The following OSBPL10 variants were observed in gnomAD, a reference collection of about 807,000 sequenced individuals.
OSBPL10 encodes the protein oxysterol-binding protein-related protein 10.
OSBPL10 carries 49 observed loss-of-function variants against 81.7 expected under a neutral mutation model. The observed-to-expected ratio is 0.60, with a 90% CI of 0.48 to 0.76. OSBPL10 has a LOEUF of 0.76. OSBPL10 is among the 30% of genes least tolerant of loss of function. The pLI, the probability that OSBPL10 is intolerant of heterozygous loss-of-function variation, is 0.00. For missense variants in OSBPL10, 923 were observed against 987.8 expected (o/e 0.93, Z 0.88); for synonymous variants, 419 against 383.6 (o/e 1.09, Z -1.08).
In OSBPL10 at chr3:32,049,381, CA is replaced by C. The variant is rs145675928; in HGVS notation, n.186-2779del. Among the ~76,000 whole-genome samples the C allele has an allele frequency of 1.0e-3, 156 of 152,232 alleles. No homozygotes were observed. In the East Asian group the frequency reaches 0.019, roughly 18 times the overall value. ...CTGACCCCAAGGACATAGATTGCAG[CA>C]CCAATTGGCCAACTTTGGGTAAGTG... is the stretch of plus-strand genomic sequence containing the variant. On this transcript the variant is annotated intron_variant and non_coding_transcript_variant, in intron 1 of 3. Coordinates refer to the OSBPL10 transcript ENST00000479173.
chr3:31,738,724 T>C (rs1697260623), intron 5 of OSBPL10, among the ~76,000 whole-genome samples: 1 of 152,068 alleles, frequency 6.6e-6, no homozygotes, highest in Non-Finnish European at 1.5e-5. Flanking sequence ...AGAATCCAGA[T>C]TAAAACCCAT....
At chr3:32,012,386 A>G (rs189266694) in intron 2 of OSBPL10, among the ~76,000 whole-genome samples, 71 of 152,312 alleles carry the variant, frequency 4.7e-4, no homozygotes, top group African/African-American at 1.7e-3. Flanking sequence ...ACAGACAAGC[A>G]AATGTTGAGA....
intron 5 of OSBPL10, 40 bp downstream of exon 5, chr3:31,747,870 G>T: frequency 1.3e-6 from 2 of 1,577,488 alleles, no homozygotes; most frequent in Non-Finnish European, 1.7e-6. Flanking sequence ...CACAGTGTGT[G>T]TACTCATCCC....
At chr3:31,941,387 CTT>C (rs1310761399) in intron 1 of OSBPL10, among the ~76,000 whole-genome samples, 4 of 152,200 alleles carry the variant, frequency 2.6e-5, no homozygotes, top group Admixed American at 1.3e-4. Context: ...AGGGAAGACT[CTT>C]TGATGGATAC....
At chr3:31,807,889 G>T (rs1699563043) in intron 4 of OSBPL10, among the ~76,000 whole-genome samples, 1 of 152,162 alleles carries the variant, frequency 6.6e-6, no homozygotes, top group African/African-American at 2.4e-5. Context: ...TAAGAAATAA[G>T]AAATTACTTA....
intron 1 of OSBPL10, among the ~76,000 whole-genome samples, chr3:31,904,681 G>A (rs1696351608): frequency 6.6e-6 from 1 of 152,088 alleles, no homozygotes; most frequent in Non-Finnish European, 1.5e-5. Flanking sequence ...TACTCTCTGG[G>A]AACACATAAT....
chr3:31,889,507 A>G lies in OSBPL10; in HGVS notation c.282-9677T>C, dbSNP rs1484449305. Reference sequence around the variant, plus strand: ...AACCCTGTCATTCTCAGCAACACAGATGGAACTGAAGGACACTATGTTAAG... The same window carrying G: ...AACCCTGTCATTCTCAGCAACACAGGTGGAACTGAAGGACACTATGTTAAG... On this transcript the variant is annotated intron_variant, in intron 1 of 11. Coordinates refer to ENST00000396556, the MANE Select transcript of OSBPL10 (RefSeq NM_017784.5). 3.3e-5 allele frequency among the ~76,000 whole-genome samples: 5 copies of G among 152,154 alleles called. No homozygotes were observed. The East Asian group carries it at 9.6e-4, about 29-fold the overall frequency.
intron 7 of OSBPL10, among the ~76,000 whole-genome samples, chr3:31,695,313 A>T (rs1263224394): frequency 1.3e-5 from 2 of 152,186 alleles, no homozygotes; most frequent in African/African-American, 4.8e-5. Context: ...AAACAGGCAC[A>T]CTGTCATTAT....
At chr3:31,748,559 A>G (rs530347760) in intron 4 of OSBPL10, among the ~76,000 whole-genome samples, 2 of 151,830 alleles carry the variant, frequency 1.3e-5, no homozygotes, top group African/African-American at 2.4e-5. Flanking sequence ...TTCAGAGTTC[A>G]CGAATTGGAA....
intron 4 of OSBPL10, among the ~76,000 whole-genome samples, chr3:31,797,184 G>T (rs758099805): frequency 6.6e-6 from 1 of 151,726 alleles, no homozygotes; most frequent in Non-Finnish European, 1.5e-5. Flanking sequence ...TAGTAGAGAC[G>T]GGTTTTACCA....
intron 6 of OSBPL10, chr3:31,717,134 A>T (rs1029957135): frequency 1.3e-5 from 2 of 152,240 alleles, no homozygotes; most frequent in Admixed American, 6.5e-5. Flanking sequence ...TTCGGCAGAT[A>T]ATGTTATAAT....
intron 1 of OSBPL10, among the ~76,000 whole-genome samples, chr3:31,942,677 A>G (rs1293916679): frequency 6.6e-6 from 1 of 152,168 alleles, no homozygotes; most frequent in African/African-American, 2.4e-5. Context: ...ACCCATTTAA[A>G]GCACAGGCAT....
At position 31,940,661 on chromosome 3, in the gene OSBPL10, C is replaced by A. The variant is rs1013415588; in HGVS notation, c.281+40238G>T. Among the ~76,000 whole-genome samples, 4 of 152,238 alleles carry A rather than the reference C, an allele frequency of 2.6e-5. No individual in the cohort carries two copies. In the East Asian group the frequency reaches 7.8e-4, roughly 30 times the overall value. ...CCTGCTCTCATACTGAAGTTCTTAT[C>A]TTTTCCCAAATAGATGATGTTCTCC... On this transcript the variant is annotated intron_variant, in intron 1 of 11. Transcript: ENST00000396556.
chr3:31,906,150 C>T (rs966880573), intron 1 of OSBPL10, among the ~76,000 whole-genome samples: 1 of 152,170 alleles, frequency 6.6e-6, no homozygotes, highest in Non-Finnish European at 1.5e-5. Flanking sequence ...ATTTCACGAT[C>T]AGGGAACCAA....
At chr3:31,811,074 A>C (rs1251592852) in intron 4 of OSBPL10, among the ~76,000 whole-genome samples, 1 of 152,130 alleles carries the variant, frequency 6.6e-6, no homozygotes, top group East Asian at 1.9e-4. Context: ...GTGAGCCTAT[A>C]AGCAAGAGTC....
intron 1 of OSBPL10, among the ~76,000 whole-genome samples, chr3:31,965,667 T>TTTTATATAATATATTATATA (rs1698346630): frequency 3.0e-5 from 1 of 33,890 alleles, no homozygotes; most frequent in African/African-American, 1.0e-4. Context: ...ATATTATATA[T>TTTTATATAATATATTATATA]TTTATATAAT....
intron 6 of OSBPL10, chr3:31,732,504 C>T (rs985643535): frequency 2.6e-5 from 4 of 152,066 alleles, no homozygotes; most frequent in African/African-American, 9.7e-5. Context: ...AGGAGGCCTC[C>T]GCCAGTTCAA....
intron 8 of OSBPL10, among the ~76,000 whole-genome samples, chr3:31,677,974 G>A (rs1041733214): frequency 6.0e-5 from 9 of 150,886 alleles, no homozygotes; most frequent in Admixed American, 2.6e-4. Context: ...CCAGCTACTC[G>A]GGAGGCTGAG....
At position 32,050,432 on chromosome 3, in the gene OSBPL10, C is replaced by G. The variant is rs114242961; in HGVS notation, n.186-3829G>C. 8.9e-3 allele frequency among the ~76,000 whole-genome samples: 1,354 copies of G among 152,298 alleles called. 15 individuals carry two copies. Among genetic ancestry groups the G allele is most frequent in the African/African-American group, 0.031 (1,277 of 41,552 alleles). On this transcript the variant is annotated intron_variant and non_coding_transcript_variant, in intron 1 of 3. Transcript: ENST00000479173. ...TTCTCTTCTCCTCCATGAACAACTT[C>G]TAACTTCCCTTCTTGAATCTTCCTT...
Sources: allele counts gnomAD v4.1 joint callset (sites outside exome capture counted in the v4.1 genomes callset), GRCh38; gene constraint gnomAD v4.1.1; transcripts MANE v1.5; gene names NCBI Gene and HGNC (gene_info 2026-07-23, HGNC 2026-07-21).